The following MAML2 variants were observed in gnomAD, a reference collection of about 807,000 sequenced individuals.
MAML2 encodes mastermind like transcriptional coactivator 2.
In MAML2, 22 loss-of-function variants were observed where a neutral mutation model predicts 96.1. The observed-to-expected ratio is 0.23, with a 90% CI of 0.16 to 0.33. The LOEUF is 0.33. Among genes scored for constraint, MAML2 ranks in the 10% least tolerant of loss-of-function variants. The pLI is 1.00. For synonymous variants in MAML2, 561 were observed against 521.3 expected (o/e 1.08, Z -1.04); for missense variants, 1,367 against 1,392.4 (o/e 0.98, Z 0.29).
At chr11:96,105,745 C>G (rs1430014832) in intron 1 of MAML2, among the ~76,000 whole-genome samples, 1 of 152,034 alleles carries the variant, frequency 6.6e-6, no homozygotes, top group Admixed American at 6.6e-5. Context: ...GACAGATACT[C>G]TCTTAGAAGG....
At chr11:96,287,933 C>T (rs986502567) in intron 1 of MAML2, among the ~76,000 whole-genome samples, 4 of 152,154 alleles carry the variant, frequency 2.6e-5, no homozygotes, top group African/African-American at 9.7e-5. Context: ...ACGTTGCTTG[C>T]AATTTTGTGC....
chr11:96,270,599 A>G (rs1862903575), intron 1 of MAML2, among the ~76,000 whole-genome samples: 1 of 152,094 alleles, frequency 6.6e-6, no homozygotes, highest in South Asian at 2.1e-4. Flanking sequence ...ATGAGCCACC[A>G]TGTCCAGCCA....
chr11:96,194,736 G>C (rs1861704157), intron 1 of MAML2, among the ~76,000 whole-genome samples: 2 of 152,148 alleles, frequency 1.3e-5, no homozygotes, highest in South Asian at 4.1e-4. Flanking sequence ...ATAGGGCTGA[G>C]TCCACTGGCT....
intron 2 of MAML2, among the ~76,000 whole-genome samples, chr11:96,022,310 A>G (rs188017762): frequency 6.6e-5 from 10 of 152,302 alleles, no homozygotes; most frequent in Admixed American, 6.5e-4. Flanking sequence ...TCCTATAATC[A>G]GGAAATTTTG....
At chr11:96,058,382 C>T (rs1038649359) in intron 2 of MAML2, among the ~76,000 whole-genome samples, 9 of 152,118 alleles carry the variant, frequency 5.9e-5, no homozygotes, top group African/African-American at 1.7e-4. Context: ...TGCAGTGGCC[C>T]GATCTTGGCT....
chr11:96,073,321 CTTTT>C (rs57220287), intron 2 of MAML2, among the ~76,000 whole-genome samples: 4 of 108,314 alleles, frequency 3.7e-5, no homozygotes, highest in Admixed American at 9.5e-5. Context: ...CTTTTCTTTT[CTTTT>C]TTTTTTTTTT....
At chr11:96,323,434 G>A (rs1225494218) in intron 1 of MAML2, among the ~76,000 whole-genome samples, 1 of 151,254 alleles carries the variant, frequency 6.6e-6, no homozygotes, top group African/African-American at 2.4e-5. Context: ...TCTGGTTGCA[G>A]GTTGGCGAGG....
At chr11:96,293,625 A>G (rs1412560983) in intron 1 of MAML2, among the ~76,000 whole-genome samples, 1 of 152,220 alleles carries the variant, frequency 6.6e-6, no homozygotes, top group Non-Finnish European at 1.5e-5. Context: ...CTCCAGCAGT[A>G]GGGACCCTCA....
chr11:96,001,585 C>T (rs602952), intron 2 of MAML2, among the ~76,000 whole-genome samples: 35,841 of 151,906 alleles, frequency 0.24, 4,533 homozygotes, highest in East Asian at 0.38. Context: ...AGTTTACAAA[C>T]TCTCTAAACA....
At chr11:96,068,432 C>T (rs1235221556) in intron 2 of MAML2, among the ~76,000 whole-genome samples, 1 of 29,644 alleles carries the variant, frequency 3.4e-5, no homozygotes, top group African/African-American at 8.0e-5. Flanking sequence ...CCTGGGGGAG[C>T]TTACTTCACA....
chr11:96,208,857 T>C (rs1462335643), intron 1 of MAML2, among the ~76,000 whole-genome samples: 4 of 152,000 alleles, frequency 2.6e-5, no homozygotes, highest in Non-Finnish European at 5.9e-5. Context: ...TTCAGTGAAA[T>C]AGACAGCATA....
intron 1 of MAML2, among the ~76,000 whole-genome samples, chr11:96,286,996 G>A (rs1863149113): frequency 6.6e-6 from 1 of 152,136 alleles, no homozygotes. Flanking sequence ...ATTCACGAGA[G>A]AGCAGCCTGA....
chr11:95,989,128 G>C (rs577598814), intron 3 of MAML2, among the ~76,000 whole-genome samples: 22 of 152,310 alleles, frequency 1.4e-4, no homozygotes, highest in African/African-American at 4.8e-4. Context: ...ATTGGTAGGA[G>C]AATAATAGAG....
At chr11:96,160,701 T>G (rs533464687) in intron 1 of MAML2, among the ~76,000 whole-genome samples, 1 of 152,342 alleles carries the variant, frequency 6.6e-6, no homozygotes, top group East Asian at 1.9e-4. Flanking sequence ...GTGCTGGAAT[T>G]ACAAGCGTGA....
At chr11:96,044,746 G>C (rs934208311) in intron 2 of MAML2, among the ~76,000 whole-genome samples, 4 of 152,206 alleles carry the variant, frequency 2.6e-5, no homozygotes, top group Non-Finnish European at 5.9e-5. Context: ...TTTTCTGACT[G>C]TACAATTTTG....
chr11:96,017,683 C>T (rs1483576733), intron 2 of MAML2, among the ~76,000 whole-genome samples: 1 of 152,008 alleles, frequency 6.6e-6, no homozygotes, highest in Non-Finnish European at 1.5e-5. Flanking sequence ...GACATTGGAC[C>T]TGGAAGAAGT....
At chr11:96,095,545 C>A (rs1182633887) in intron 1 of MAML2, among the ~76,000 whole-genome samples, 10 of 152,114 alleles carry the variant, frequency 6.6e-5, no homozygotes, top group Admixed American at 5.9e-4. Flanking sequence ...GTGGCTGTAT[C>A]TACAGAACTT....
intron 2 of MAML2, among the ~76,000 whole-genome samples, chr11:96,003,436 C>A (rs912934781): frequency 4.0e-5 from 6 of 151,706 alleles, no homozygotes; most frequent in African/African-American, 9.7e-5. Context: ...GTCTTTTTTC[C>A]CCACATGTAT....
intron 1 of MAML2, among the ~76,000 whole-genome samples, chr11:96,307,088 C>A (rs551629043): frequency 6.6e-6 from 1 of 152,272 alleles, no homozygotes; most frequent in East Asian, 1.9e-4. Context: ...CAGTTTGGCA[C>A]CTCGCCCAAC....
Sources: gnomAD v4.1 joint callset for allele counts (sites outside exome capture counted in the v4.1 genomes callset) on GRCh38, gnomAD v4.1.1 for gene constraint, MANE v1.5 for transcripts, NCBI Gene and HGNC (gene_info 2026-07-23, HGNC 2026-07-21) for gene names.